The following KRR1 variants were observed in gnomAD, a reference collection of about 807,000 sequenced individuals.
The protein encoded by KRR1 is KRR1 small subunit processome component, also known as KRR1 small subunit processome component homolog.
Under a neutral mutation model 50.0 loss-of-function variants are expected in KRR1, and 23 were observed. The observed-to-expected ratio is 0.46, with a 90% CI of 0.33 to 0.65. KRR1 has a LOEUF of 0.65. KRR1 is among the 30% of genes least tolerant of loss of function. KRR1 has a pLI of 0.02. For synonymous variants in KRR1, 133 were observed against 146.3 expected (o/e 0.91, Z 0.66); for missense variants, 419 against 442.4 (o/e 0.95, Z 0.47).
At position 75,506,392 on chromosome 12, in the gene KRR1, T is replaced by G; in HGVS notation, c.527A>C (p.Glu176Ala). The change falls in exon 5 of 10, where the codon GAA becomes GCA. Residue 176 changes from glutamate to alanine, a missense_variant. Glu to Ala is a moderately radical substitution (Grantham distance 107, BLOSUM62 -1). Coordinates refer to ENST00000229214, the MANE Select transcript of KRR1 (RefSeq NM_007043.7). ...GPKGSTLKAL[E>A]LLTNCYIMVQ... ...CATAATGTAACAATTAGTTAAGAGT[T>G]CCAATGCCTGTATCAAGAGATCAAG... is the stretch of plus-strand genomic sequence containing the variant. The G allele has an allele frequency of 6.2e-7, 1 of 1,611,786 alleles. No homozygotes were observed.
Position 75,498,668 on chromosome 12 carries a change from TTTC to T in KRR1, c.*1138_*1140del. 1 of 1,600,218 alleles carries T rather than the reference TTTC, an allele frequency of 6.2e-7. No individual in the cohort carries two copies. The highest frequency in any genetic ancestry group is 8.6e-7 in the Non-Finnish European group (1 of 1,167,558). On this transcript the variant is annotated 3_prime_UTR_variant, in exon 10 of 10. Transcript: ENST00000229214. ...AACTGTGTCTACCCTTTTAATTTTT[TTTC>T]TTTCTTCCCCCTAACTTTACAGTTA...
Position 75,497,938 on chromosome 12 carries a change from A to T in KRR1, c.*1871T>A, listed in dbSNP as rs2046361655. On this transcript the variant is annotated 3_prime_UTR_variant, in exon 10 of 10. Transcript: ENST00000229214. The stretch of plus-strand genomic sequence containing the variant: ...ACATCACACTCTTGATTTCATCGAC[A>T]TAACTGCCAAGAAAAGTGAGGGTAG... 1 of 152,192 alleles carries T rather than the reference A, an allele frequency of 6.6e-6. No individual in the cohort carries two copies. The highest frequency in any genetic ancestry group is 2.4e-5 in the African/African-American group (1 of 41,446). 9.4% of individuals were successfully genotyped at this position (152,192 alleles called of 1,614,324 possible).
Position 75,510,959 on chromosome 12 carries a change from G to A in KRR1, c.85+554C>T, listed in dbSNP as rs76417934. On this transcript the variant is annotated intron_variant, in intron 1 of 9. Coordinates refer to ENST00000229214, the MANE Select transcript of KRR1 (RefSeq NM_007043.7). Reference sequence around the variant, plus strand: ...ACGGGTAAAACCAGACTACAACGCAGGAGTTAACAATTAAAAGGTAACACA... The same window carrying A: ...ACGGGTAAAACCAGACTACAACGCAAGAGTTAACAATTAAAAGGTAACACA... Among the ~76,000 whole-genome samples, 1,331 of 152,256 alleles carry A rather than the reference G, an allele frequency of 8.7e-3. 15 individuals carry two copies. Among genetic ancestry groups the A allele is most frequent in the African/African-American group, 0.03 (1,252 of 41,538 alleles).
Position 75,498,895 on chromosome 12 carries a change from G to GTTAA in KRR1, c.*910_*913dup. 1 of 1,608,238 alleles carries GTTAA rather than the reference G, an allele frequency of 6.2e-7. No homozygotes were observed. The highest frequency in any genetic ancestry group is 8.5e-7 in the Non-Finnish European group (1 of 1,175,082). On this transcript the variant is annotated 3_prime_UTR_variant, in exon 10 of 10. Coordinates refer to ENST00000229214, the MANE Select transcript of KRR1 (RefSeq NM_007043.7). ...CAGATACACTTCTCTCTTTCTCATTGTTAATTCAGTAATTCTAATACTGTC... is the reference window on the plus strand; with the variant it reads ...CAGATACACTTCTCTCTTTCTCATTGTTAATTAATTCAGTAATTCTAATACTGTC...
Position 75,497,934 on chromosome 12 carries a change from C to T in KRR1, c.*1875G>A, listed in dbSNP as rs10748281. On this transcript the variant is annotated 3_prime_UTR_variant, in exon 10 of 10. Coordinates refer to ENST00000229214, the MANE Select transcript of KRR1 (RefSeq NM_007043.7). Reference sequence around the variant, plus strand: ...TAGAACATCACACTCTTGATTTCATCGACATAACTGCCAAGAAAAGTGAGG... The same window carrying T: ...TAGAACATCACACTCTTGATTTCATTGACATAACTGCCAAGAAAAGTGAGG... 6.6e-6 allele frequency: 1 copy of T among 152,066 alleles called. No individual in the cohort carries two copies. Among genetic ancestry groups the T allele is most frequent in the Admixed American group, 6.6e-5 (1 of 15,254 alleles). The allele number at this position is 152,066 out of a possible 1,614,324, so 9.4% of individuals were successfully genotyped here.
At chr12:75,509,969 C>T (rs1318123063) in intron 1 of KRR1, among the ~76,000 whole-genome samples, 1 of 151,970 alleles carries the variant, frequency 6.6e-6, no homozygotes, top group Non-Finnish European at 1.5e-5. Flanking sequence ...AAAATCCCCA[C>T]TACAACCTCA....
Position 75,503,953 on chromosome 12 carries a change from GTTT to G in KRR1, c.779_781del (p.Lys260del), listed in dbSNP as rs758604785. The G allele has an allele frequency of 4.7e-5, 75 of 1,611,282 alleles. No individual in the cohort carries two copies. The highest frequency in any genetic ancestry group is 5.9e-5 in the Non-Finnish European group (70 of 1,178,324). On this transcript the variant is annotated inframe_deletion, in exon 7 of 10. Transcript: ENST00000229214. Reference sequence around the variant, plus strand: ...GAATGGCGTATATTCTTTCTTAACAGTTTTTTTCTTTGGTTCCTTGCGTTTATT... The same window carrying G: ...GAATGGCGTATATTCTTTCTTAACAGTTTTCTTTGGTTCCTTGCGTTTATT...
intron 7 of KRR1, 41 bp from the exon 8 acceptor site, chr12:75,502,041 AG>A (rs1566103930): frequency 5.3e-6 from 8 of 1,509,898 alleles, no homozygotes; most frequent in Non-Finnish European, 6.4e-6. Context: ...GAAATAATGT[AG>A]AGGAGAAGTC....
At position 75,503,940 on chromosome 12, in the gene KRR1, T is replaced by C. The variant is rs1455119083; in HGVS notation, c.795A>G (p.Glu265=). Residue 265 remains glutamate, a synonymous_variant, in exon 7 of 10, where the codon GAA becomes GAG. Transcript: ENST00000229214. ...KEPKKKTVKK[E]YTPFPPPQPE... ...GTTGTGGTGGTGGGAATGGCGTATA[T>C]TCTTTCTTAACAGTTTTTTTCTTTG... 3.7e-6 allele frequency: 6 copies of C among 1,612,154 alleles called. No individual in the cohort carries two copies. Among genetic ancestry groups the C allele is most frequent in the Non-Finnish European group, 5.1e-6 (6 of 1,178,818 alleles).
chr12:75,502,035 T>C, intron 7 of KRR1, 35 bp from the exon 8 acceptor site: 1 of 1,545,462 alleles, frequency 6.5e-7, no homozygotes, highest in Non-Finnish European at 8.9e-7. Flanking sequence ...ACATCAGAAA[T>C]AATGTAGAGG....
Position 75,506,783 on chromosome 12 carries a change from T to G in KRR1, c.392A>C (p.Gln131Pro). The stretch of plus-strand genomic sequence containing the variant: ...AAGTCTCTGTAATTCTAGATTTACC[T>G]GTTCAAATGAAACACTCCTTGCTAA... ...KLLARSVSFE[Q>P]AVRILQDDVA... is the part of the protein sequence containing the mutation. The change falls in exon 3 of 10, where the codon CAG becomes CCG. Residue 131 changes from glutamine (Q) to proline (P), a missense_variant and splice_region_variant. Physicochemically the swap from Gln to Pro is moderately conservative, Grantham distance 76. Transcript: ENST00000229214. 6.2e-7 allele frequency: 1 copy of G among 1,608,996 alleles called. No individual in the cohort carries two copies.
At chr12:75,511,445 A>C in intron 1 of KRR1, 68 bp downstream of exon 1, 1 of 1,371,262 alleles carries the variant, frequency 7.3e-7, no homozygotes, top group South Asian at 1.2e-5. Context: ...GTCCACGAGG[A>C]ACGAAAGAAA....
At chr12:75,505,475 GCA>G (rs1292053032) in intron 5 of KRR1, among the ~76,000 whole-genome samples, 2 of 151,982 alleles carry the variant, frequency 1.3e-5, no homozygotes. Context: ...CTAAAATGTA[GCA>G]CAGAGAACTA....
At chr12:75,501,408 T>C (rs1396890918) in intron 9 of KRR1, 1 of 250,420 alleles carries the variant, frequency 4.0e-6, no homozygotes, top group Admixed American at 4.9e-5. Flanking sequence ...ACAGCAGAGC[T>C]CAGGGATCTT....
intron 7 of KRR1, chr12:75,503,599 CA>C (rs1404285668): frequency 1.0e-5 from 2 of 197,636 alleles, no homozygotes; most frequent in Admixed American, 5.9e-5. Context: ...ATAATGTTGC[CA>C]AATCAGAGAA....
chr12:75,503,795 C>G, intron 7 of KRR1, 109 bp downstream of exon 7: 1 of 958,004 alleles, frequency 1.0e-6, no homozygotes. Flanking sequence ...CACACACACA[C>G]AATATATATA....
chr12:75,511,374 A>T, intron 1 of KRR1, 139 bp downstream of exon 1: 1 of 733,840 alleles, frequency 1.4e-6, no homozygotes, highest in South Asian at 1.8e-5. Flanking sequence ...CCCAGCCAAA[A>T]TCTTATCAGC....
At chr12:75,503,142 G>T in intron 7 of KRR1, 1 of 152,242 alleles carries the variant, frequency 6.6e-6, no homozygotes. Flanking sequence ...AGAGGCTGAT[G>T]CAGGTGGAAG....
chr12:75,500,059 T>A, intron 9 of KRR1, 108 bp from the exon 10 acceptor site: 1 of 794,440 alleles, frequency 1.3e-6, no homozygotes, highest in East Asian at 3.1e-5. Flanking sequence ...AACTTCAGAG[T>A]ATTCTTATAA....
Sources: allele counts gnomAD v4.1 joint callset (sites outside exome capture counted in the v4.1 genomes callset), GRCh38; gene constraint gnomAD v4.1.1; transcripts MANE v1.5; gene names NCBI Gene and HGNC (gene_info 2026-07-23, HGNC 2026-07-21).